Variants in PPARGC1A observed in about 807,000 individuals in gnomAD.
PPARGC1A encodes PPARG coactivator 1 alpha, also known as peroxisome proliferator-activated receptor gamma coactivator 1-alpha.
Under a neutral mutation model 88.7 loss-of-function variants are expected in PPARGC1A, and 25 were observed. The observed-to-expected ratio is 0.28, with a 90% CI of 0.21 to 0.39. The LOEUF (loss-of-function observed/expected upper bound fraction) is 0.39. Ranked by LOEUF, PPARGC1A falls within the 10% of genes least tolerant of loss-of-function variation. PPARGC1A has a pLI of 1.00. For synonymous variants in PPARGC1A, 363 were observed against 355.6 expected, an observed-to-expected ratio of 1.02 and a Z score of -0.24; for missense variants, 880 against 968.7, an observed-to-expected ratio of 0.91 and a Z score of 1.22.
the PPARGC1A span, among the ~76,000 whole-genome samples, chr4:24,370,177 T>G: frequency 6.6e-6 from 1 of 152,176 alleles, no homozygotes; most frequent in Non-Finnish European, 1.5e-5. Flanking sequence ...CTATAGCAAG[T>G]GATACTGGTT....
At chr4:23,883,920 A>AGAT (rs1283833083) in intron 2 of PPARGC1A, 1 of 152,140 alleles carries the variant, frequency 6.6e-6, no homozygotes, top group Admixed American at 6.6e-5. Context: ...AGAAAACATT[A>AGAT]GATGATGATG....
the PPARGC1A span, among the ~76,000 whole-genome samples, chr4:24,265,677 A>G: frequency 6.6e-6 from 1 of 152,140 alleles, no homozygotes; most frequent in Non-Finnish European, 1.5e-5. Flanking sequence ...GATTTTATAT[A>G]TGCTGCTTTC....
chr4:24,380,853 G>A, the PPARGC1A span, among the ~76,000 whole-genome samples: 1 of 152,092 alleles, frequency 6.6e-6, no homozygotes, highest in Non-Finnish European at 1.5e-5. Flanking sequence ...CAAAAAGCCA[G>A]TGATTTGAGA....
chr4:23,954,572 A>G, the PPARGC1A span, among the ~76,000 whole-genome samples: 1 of 152,086 alleles, frequency 6.6e-6, no homozygotes, highest in African/African-American at 2.4e-5. Flanking sequence ...TAATTTTAGC[A>G]TAATTCTTAT....
the PPARGC1A span, among the ~76,000 whole-genome samples, chr4:24,452,550 A>G: frequency 6.6e-6 from 1 of 152,222 alleles, no homozygotes; most frequent in Non-Finnish European, 1.5e-5. Flanking sequence ...ACACTAGGCC[A>G]CACATTCACC....
chr4:23,882,414 C>T (rs1270437507), intron 2 of PPARGC1A, among the ~76,000 whole-genome samples: 2 of 152,106 alleles, frequency 1.3e-5, no homozygotes, highest in African/African-American at 4.8e-5. Flanking sequence ...AACCTCAGTG[C>T]TTTTTTCATT....
intron 7 of PPARGC1A, among the ~76,000 whole-genome samples, chr4:23,816,213 C>A (rs1430483504): frequency 6.6e-6 from 1 of 152,136 alleles, no homozygotes; most frequent in Non-Finnish European, 1.5e-5. Flanking sequence ...GGACACTGTA[C>A]TCCACTCATG....
the PPARGC1A span, among the ~76,000 whole-genome samples, chr4:24,408,394 T>A: frequency 2.0e-5 from 3 of 152,078 alleles, no homozygotes; most frequent in Non-Finnish European, 4.4e-5. Context: ...CAGTTCAAAT[T>A]GGGTCAGTTC....
chr4:24,300,324 A>ATTT, the PPARGC1A span, among the ~76,000 whole-genome samples: 54 of 45,008 alleles, frequency 1.2e-3, 11 homozygotes, highest in Non-Finnish European at 1.5e-3. Context: ...ATACAATAGC[A>ATTT]TTTTTTTTTT....
At chr4:23,867,770 T>C (rs894690793) in intron 2 of PPARGC1A, among the ~76,000 whole-genome samples, 1 of 152,176 alleles carries the variant, frequency 6.6e-6, no homozygotes, top group Non-Finnish European at 1.5e-5. Flanking sequence ...TAAGCTTGAT[T>C]CTTCCAAAAA....
At chr4:24,090,267 A>G in the PPARGC1A span, among the ~76,000 whole-genome samples, 1 of 152,226 alleles carries the variant, frequency 6.6e-6, no homozygotes, top group Admixed American at 6.5e-5. Flanking sequence ...AGTAGCATGC[A>G]GAGATTTATT....
the PPARGC1A span, among the ~76,000 whole-genome samples, chr4:23,983,562 T>C: frequency 6.6e-6 from 1 of 152,082 alleles, no homozygotes; most frequent in Admixed American, 6.6e-5. Flanking sequence ...ATGGCCAAAA[T>C]ATGTAAAGTT....
At chr4:24,236,180 A>G in the PPARGC1A span, among the ~76,000 whole-genome samples, 2 of 152,202 alleles carry the variant, frequency 1.3e-5, no homozygotes, top group African/African-American at 4.8e-5. Context: ...CTTTATAATG[A>G]GAATTTCCAG....
chr4:23,989,682 T>C, the PPARGC1A span, among the ~76,000 whole-genome samples: 6 of 152,120 alleles, frequency 3.9e-5, no homozygotes, highest in East Asian at 7.7e-4. Flanking sequence ...TATTAAATAA[T>C]GAATGAGTGA....
At chr4:24,278,360 T>A in the PPARGC1A span, among the ~76,000 whole-genome samples, 1,014 of 152,246 alleles carry the variant, frequency 6.7e-3, 14 homozygotes, top group African/African-American at 0.024. Context: ...AGAAAAACAA[T>A]CCATACCTTC....
At chr4:24,397,383 C>T in the PPARGC1A span, among the ~76,000 whole-genome samples, 1 of 152,114 alleles carries the variant, frequency 6.6e-6, no homozygotes, top group Non-Finnish European at 1.5e-5. Flanking sequence ...CCTCCAATAT[C>T]CACTCTCCCC....
chr4:24,053,072 C>CGTGT, the PPARGC1A span, among the ~76,000 whole-genome samples: 1 of 151,122 alleles, frequency 6.6e-6, no homozygotes, highest in Non-Finnish European at 1.5e-5. Flanking sequence ...AGGGTTTTAC[C>CGTGT]GTGTTAGCCA....
chr4:24,142,455 T>C, the PPARGC1A span, among the ~76,000 whole-genome samples: 12 of 151,898 alleles, frequency 7.9e-5, no homozygotes, highest in Non-Finnish European at 1.5e-4. Flanking sequence ...GGCGGATCGC[T>C]TTGAGCTCAG....
the PPARGC1A span, among the ~76,000 whole-genome samples, chr4:24,119,740 C>T: frequency 1.3e-5 from 2 of 152,122 alleles, no homozygotes; most frequent in Non-Finnish European, 2.9e-5. Flanking sequence ...AATGCAGTCA[C>T]TCTAGAATGA....
Sources: gnomAD v4.1 joint callset for allele counts (sites outside exome capture counted in the v4.1 genomes callset) on GRCh38, gnomAD v4.1.1 for gene constraint, MANE v1.5 for transcripts, NCBI Gene and HGNC (gene_info 2026-07-23, HGNC 2026-07-21) for gene names.